Variants in RASEF observed in about 807,000 individuals in gnomAD.
The protein encoded by RASEF is ras and EF-hand domain-containing protein.
A neutral mutation model predicts 90.1 loss-of-function variants in RASEF; 68 were observed. That is an observed-to-expected ratio of 0.75 (90% CI 0.62 to 0.92). RASEF has a LOEUF of 0.92. Among genes scored for constraint, RASEF ranks in the 40% least tolerant of loss-of-function variants. The probability of loss-of-function intolerance (pLI) is 0.00; values close to 1 mark genes in which losing one functional copy is unlikely to be tolerated. For synonymous variants in RASEF, 331 were observed against 345.2 expected, an observed-to-expected ratio of 0.96 and a Z score of 0.46; for missense variants, 949 against 937.2, an observed-to-expected ratio of 1.01 and a Z score of -0.16.
intron 1 of RASEF, among the ~76,000 whole-genome samples, chr9:83,032,712 G>A (rs1829669120): frequency 1.3e-5 from 2 of 152,004 alleles, no homozygotes; most frequent in Admixed American, 6.6e-5. Flanking sequence ...ATGATCCCTG[G>A]GAAATAAGAA....
intron 1 of RASEF, among the ~76,000 whole-genome samples, chr9:83,029,911 T>C (rs1045064691): frequency 1.3e-5 from 2 of 152,238 alleles, no homozygotes; most frequent in Non-Finnish European, 2.9e-5. Flanking sequence ...CCATATTTAT[T>C]ACGGGGCAGT....
At chr9:83,189,304 C>A in the RASEF span, among the ~76,000 whole-genome samples, 2 of 152,200 alleles carry the variant, frequency 1.3e-5, no homozygotes, top group Non-Finnish European at 2.9e-5. Context: ...GCTTCCACTT[C>A]TGCAATGATT....
the RASEF span, among the ~76,000 whole-genome samples, chr9:83,068,269 G>A: frequency 1.3e-5 from 2 of 152,258 alleles, no homozygotes; most frequent in African/African-American, 4.8e-5. Context: ...AGCAAACTGT[G>A]GAAAGCAGAA....
chr9:83,142,956 C>T, the RASEF span, among the ~76,000 whole-genome samples: 1 of 151,980 alleles, frequency 6.6e-6, no homozygotes, highest in African/African-American at 2.4e-5. Context: ...TATGGGATCC[C>T]GAGTGAAAGT....
chr9:83,135,804 T>G, the RASEF span, among the ~76,000 whole-genome samples: 2 of 152,106 alleles, frequency 1.3e-5, no homozygotes, highest in Non-Finnish European at 2.9e-5. Flanking sequence ...TAGAGGAGAA[T>G]AGGCTTCAAA....
chr9:83,193,961 A>G, the RASEF span, among the ~76,000 whole-genome samples: 1 of 152,194 alleles, frequency 6.6e-6, no homozygotes, highest in Non-Finnish European at 1.5e-5. Flanking sequence ...AGAGCTTACT[A>G]ATTCTTCTCT....
chr9:82,999,980 A>AGGAGAC (rs1828992866), intron 12 of RASEF, among the ~76,000 whole-genome samples, 189 bp downstream of exon 12: 1 of 130,360 alleles, frequency 7.7e-6, no homozygotes, highest in Non-Finnish European at 1.6e-5. Flanking sequence ...TCCATAGACT[A>AGGAGAC]GGAGACACAC....
the RASEF span, among the ~76,000 whole-genome samples, chr9:83,098,483 T>G: frequency 1.7e-4 from 26 of 152,190 alleles, no homozygotes; most frequent in Non-Finnish European, 3.2e-4. Context: ...TATGACTACT[T>G]TCTACTCTGT....
At chr9:83,149,281 G>A in the RASEF span, among the ~76,000 whole-genome samples, 18,179 of 152,196 alleles carry the variant, frequency 0.12, 1,215 homozygotes, top group East Asian at 0.29. Flanking sequence ...GAATCTAGCT[G>A]TAGAAGACTT....
At chr9:83,090,095 A>G in the RASEF span, among the ~76,000 whole-genome samples, 1 of 152,128 alleles carries the variant, frequency 6.6e-6, no homozygotes, top group African/African-American at 2.4e-5. Context: ...CGGGTTCATC[A>G]ACTCATTCTT....
At chr9:83,169,524 T>G in the RASEF span, among the ~76,000 whole-genome samples, 2 of 152,096 alleles carry the variant, frequency 1.3e-5, no homozygotes, top group African/African-American at 4.8e-5. Flanking sequence ...GCATTTCCTT[T>G]TCTCCATATC....
chr9:83,126,846 T>C, the RASEF span, among the ~76,000 whole-genome samples: 1 of 152,230 alleles, frequency 6.6e-6, no homozygotes, highest in Non-Finnish European at 1.5e-5. Flanking sequence ...TAACATATCA[T>C]ATTACTTTTT....
At chr9:83,117,703 G>A in the RASEF span, among the ~76,000 whole-genome samples, 1 of 152,162 alleles carries the variant, frequency 6.6e-6, no homozygotes, top group African/African-American at 2.4e-5. Flanking sequence ...ACCTTAGTGG[G>A]TGAATACATT....
the RASEF span, among the ~76,000 whole-genome samples, chr9:83,157,692 T>G: frequency 6.6e-6 from 1 of 152,244 alleles, no homozygotes; most frequent in Non-Finnish European, 1.5e-5. Flanking sequence ...ATTTTATTAT[T>G]TGATAATATA....
At chr9:83,125,615 C>T in the RASEF span, among the ~76,000 whole-genome samples, 5 of 152,164 alleles carry the variant, frequency 3.3e-5, no homozygotes, top group East Asian at 3.9e-4. Flanking sequence ...ATCCACCACT[C>T]CCCTTTTGCA....
the RASEF span, among the ~76,000 whole-genome samples, chr9:83,113,958 TTGC>T: frequency 6.6e-6 from 1 of 152,140 alleles, no homozygotes; most frequent in African/African-American, 2.4e-5. Flanking sequence ...TAATAAAAAC[TTGC>T]TGGTTTTGTG....
the RASEF span, among the ~76,000 whole-genome samples, chr9:83,128,025 C>CTTTTTTTTTTTTTTT: frequency 3.0e-5 from 4 of 134,724 alleles, no homozygotes; most frequent in Non-Finnish European, 6.3e-5. Context: ...TTTTTCTTTT[C>CTTTTTTTTTTTTTTT]TTTTTTTTTT....
chr9:83,163,250 C>A, the RASEF span, among the ~76,000 whole-genome samples: 1 of 152,156 alleles, frequency 6.6e-6, no homozygotes, highest in Non-Finnish European at 1.5e-5. Context: ...ACTTATCCCC[C>A]AACACACATA....
At chr9:83,150,632 CT>C in the RASEF span, among the ~76,000 whole-genome samples, 1 of 152,090 alleles carries the variant, frequency 6.6e-6, no homozygotes, top group Non-Finnish European at 1.5e-5. Context: ...CATTATTTAA[CT>C]TTAGTAAATC....
Sources: allele counts gnomAD v4.1 joint callset (sites outside exome capture counted in the v4.1 genomes callset), GRCh38; gene constraint gnomAD v4.1.1; transcripts MANE v1.5; gene names NCBI Gene and HGNC (gene_info 2026-07-23, HGNC 2026-07-21).